The following CTNNA3 variants were observed in gnomAD, a reference collection of about 807,000 sequenced individuals.
CTNNA3 encodes catenin alpha-3.
CTNNA3 carries 76 observed loss-of-function variants against 95.7 expected under a neutral mutation model. The observed-to-expected ratio is 0.79, with a 90% CI of 0.66 to 0.96. CTNNA3 has a LOEUF of 0.96. Among genes scored for constraint, CTNNA3 ranks in the 40% least tolerant of loss-of-function variants. The pLI is 0.00. For synonymous variants in CTNNA3, 431 were observed against 374.4 expected (o/e 1.15, Z -1.74); for missense variants, 1,191 against 1,089.8 (o/e 1.09, Z -1.31).
chr10:67,143,470 T>C (rs1860691703), intron 7 of CTNNA3, among the ~76,000 whole-genome samples: 1 of 138,626 alleles, frequency 7.2e-6, no homozygotes, highest in South Asian at 2.3e-4. Context: ...TGTGAGGCTG[T>C]TTGACAGTGT....
intron 7 of CTNNA3, among the ~76,000 whole-genome samples, chr10:67,156,487 A>G (rs1181628135): frequency 6.6e-6 from 1 of 151,924 alleles, no homozygotes; most frequent in African/African-American, 2.4e-5. Context: ...TTTCAATTTC[A>G]TTAGTCTCAA....
chr10:66,069,223 ACACT>A, intron 15 of CTNNA3, 81 bp downstream of exon 15: 1 of 1,352,158 alleles, frequency 7.4e-7, no homozygotes, highest in Admixed American at 1.8e-5. Flanking sequence ...TTGGCACTTG[ACACT>A]CAGAGAATCT....
At chr10:66,027,007 T>C (rs755087575) in intron 15 of CTNNA3, among the ~76,000 whole-genome samples, 4 of 152,068 alleles carry the variant, frequency 2.6e-5, no homozygotes, top group Non-Finnish European at 4.4e-5. Flanking sequence ...ATAAGTTAAA[T>C]AGATAAAATA....
At chr10:67,271,465 T>C (rs1345059011) in intron 5 of CTNNA3, among the ~76,000 whole-genome samples, 1 of 152,182 alleles carries the variant, frequency 6.6e-6, no homozygotes, top group Non-Finnish European at 1.5e-5. Flanking sequence ...TCCTGAGGCC[T>C]CTCCAGCAAT....
At chr10:67,171,301 G>A (rs1408337632) in intron 7 of CTNNA3, among the ~76,000 whole-genome samples, 1 of 152,102 alleles carries the variant, frequency 6.6e-6, no homozygotes, top group Non-Finnish European at 1.5e-5. Flanking sequence ...TAGGCCAGGC[G>A]CAGTGGCTCA....
intron 15 of CTNNA3, among the ~76,000 whole-genome samples, chr10:66,000,839 C>A (rs1221214528): frequency 6.6e-6 from 1 of 152,084 alleles, no homozygotes; most frequent in African/African-American, 2.4e-5. Flanking sequence ...GTAGCTTGAC[C>A]AAGTTTCACA....
Position 66,845,754 on chromosome 10 carries a change from T to TACAC in CTNNA3, c.1048-70234_1048-70231dup, listed in dbSNP as rs140313786. Among the ~76,000 whole-genome samples, 1,058 of 108,638 alleles carry TACAC rather than the reference T, an allele frequency of 9.7e-3. 14 individuals carry two copies. Among genetic ancestry groups the TACAC allele is most frequent in the Non-Finnish European group, 0.012 (647 of 52,754 alleles). The allele number at this position is 108,638 out of a possible 152,430, so 71.3% of individuals were successfully genotyped here. On this transcript the variant is annotated intron_variant, in intron 7 of 17. Coordinates refer to ENST00000433211, the MANE Select transcript of CTNNA3 (RefSeq NM_013266.4). ...ACTAAAAAGGTGAGATATATATACA[T>TACAC]ACACACACACACACACACACACACA...
At chr10:67,649,183 T>C (rs1406463910) in intron 1 of CTNNA3, among the ~76,000 whole-genome samples, 1 of 152,248 alleles carries the variant, frequency 6.6e-6, no homozygotes, top group Non-Finnish European at 1.5e-5. Flanking sequence ...CTTTGTTCTT[T>C]CATCTGAAGG....
At chr10:66,388,926 G>T (rs1387591126) in intron 11 of CTNNA3, among the ~76,000 whole-genome samples, 1 of 152,162 alleles carries the variant, frequency 6.6e-6, no homozygotes, top group South Asian at 2.1e-4. Context: ...AAATCAAAAT[G>T]TTAGGTACCT....
chr10:67,735,138 CACACACAA>C (rs367680943), intron 1 of CTNNA3, among the ~76,000 whole-genome samples: 14,994 of 129,156 alleles, frequency 0.12, 875 homozygotes, highest in African/African-American at 0.21. Flanking sequence ...CACACACACA[CACACACAA>C]ACACACACAC....
At chr10:65,968,806 C>A (rs943087416) in intron 16 of CTNNA3, among the ~76,000 whole-genome samples, 1 of 152,144 alleles carries the variant, frequency 6.6e-6, no homozygotes, top group African/African-American at 2.4e-5. Flanking sequence ...AATTTGAGGA[C>A]AAGAAAGCTT....
Position 65,939,187 on chromosome 10 carries a change from A to G in CTNNA3, c.2401-18570T>C, listed in dbSNP as rs575109541. ...CTCAAAGTGCTGGGATTACAGGCGT[A>G]AGCCACCGCGCCCTGCCTAGAAAGA... On this transcript the variant is annotated intron_variant, in intron 17 of 17. Transcript: ENST00000433211. Among the ~76,000 whole-genome samples, 24 of 152,212 alleles carry G rather than the reference A, an allele frequency of 1.6e-4. 1 individual carries two copies. The highest frequency in any genetic ancestry group is 1.0e-3 in the South Asian group (5 of 4,830).
intron 5 of CTNNA3, among the ~76,000 whole-genome samples, chr10:67,484,508 GACAGACAATCT>G (rs1165350514): frequency 4.6e-5 from 7 of 152,134 alleles, no homozygotes; most frequent in Non-Finnish European, 1.0e-4. Flanking sequence ...CAACAGAGCA[GACAGACAATCT>G]ACAGAATGGG....
At chr10:67,181,834 CA>C (rs1332483639) in intron 6 of CTNNA3, among the ~76,000 whole-genome samples, 1 of 151,536 alleles carries the variant, frequency 6.6e-6, no homozygotes, top group Non-Finnish European at 1.5e-5. Context: ...AGTTTTAAAA[CA>C]TTTTTTTTAA....
chr10:67,377,373 T>C (rs1843733469), intron 5 of CTNNA3, among the ~76,000 whole-genome samples: 1 of 152,326 alleles, frequency 6.6e-6, no homozygotes, highest in African/African-American at 2.4e-5. Flanking sequence ...GAGTAGGGAC[T>C]AGTTGAAATC....
intron 15 of CTNNA3, among the ~76,000 whole-genome samples, chr10:65,990,179 A>G (rs1488207720): frequency 6.6e-6 from 1 of 151,904 alleles, no homozygotes; most frequent in Non-Finnish European, 1.5e-5. Flanking sequence ...GAATAATACT[A>G]CAATAAAAAT....
At chr10:67,664,741 T>C (rs950227802) in intron 1 of CTNNA3, among the ~76,000 whole-genome samples, 8 of 152,230 alleles carry the variant, frequency 5.3e-5, no homozygotes, top group African/African-American at 1.9e-4. Context: ...ATTCTAGGTA[T>C]CTGAAAAAGC....
chr10:67,307,006 A>C (rs200679050), intron 5 of CTNNA3, among the ~76,000 whole-genome samples: 2 of 152,014 alleles, frequency 1.3e-5, no homozygotes, highest in South Asian at 4.1e-4. Flanking sequence ...AGGAAGATAC[A>C]AAAAAATGTA....
chr10:66,892,152 A>G (rs1441933055), intron 7 of CTNNA3, among the ~76,000 whole-genome samples: 2 of 152,178 alleles, frequency 1.3e-5, no homozygotes, highest in African/African-American at 2.4e-5. Flanking sequence ...AAAAGCTGAG[A>G]ACCCCTATAT....
Sources: allele counts gnomAD v4.1 joint callset (sites outside exome capture counted in the v4.1 genomes callset), GRCh38; gene constraint gnomAD v4.1.1; transcripts MANE v1.5; gene names NCBI Gene and HGNC (gene_info 2026-07-23, HGNC 2026-07-21).